CFAP57: variants seen among roughly 807,000 people sequenced by gnomAD.
CFAP57 encodes cilia and flagella associated protein 57.
Under a neutral mutation model 146.8 loss-of-function variants are expected in CFAP57, and 116 were observed. The ratio of observed to expected loss-of-function variants is 0.79; its 90% CI spans 0.68 to 0.92. The LOEUF is 0.92. Ranked by LOEUF, CFAP57 falls within the 40% of genes least tolerant of loss-of-function variation. CFAP57 has a pLI of 0.00. For synonymous variants in CFAP57, 518 were observed against 552.8 expected, an observed-to-expected ratio of 0.94 and a Z score of 0.88; for missense variants, 1,377 against 1,527.2, an observed-to-expected ratio of 0.90 and a Z score of 1.64.
In CFAP57 at chr1:43,234,647, A is replaced by G; in HGVS notation, c.3405+9A>G. ...ACGTCCGCATCATGCAGGTACCTGC[A>G]TGCTCCCCTCAGCCCCTGTGGAGGC... is the stretch of plus-strand genomic sequence containing the variant. On this transcript the variant is annotated intron_variant, in intron 21 of 22. Coordinates refer to ENST00000372492, the MANE Select transcript of CFAP57 (RefSeq NM_001378189.1). 3.9e-6 allele frequency: 6 copies of G among 1,547,098 alleles called. No homozygotes were observed. Among genetic ancestry groups the G allele is most frequent in the Non-Finnish European group, 3.5e-6 (4 of 1,145,222 alleles).
chr1:43,217,112 G>T (rs1644863609), intron 12 of CFAP57, among the ~76,000 whole-genome samples: 1 of 152,210 alleles, frequency 6.6e-6, no homozygotes, highest in Non-Finnish European at 1.5e-5. Flanking sequence ...GTGAGTGTGT[G>T]CAGAGGGATG....
Position 43,243,353 on chromosome 1 carries a change from G to A in CFAP57, c.3532G>A (p.Glu1178Lys). 1 of 1,536,412 alleles carries A rather than the reference G, an allele frequency of 6.5e-7. No individual in the cohort carries two copies. The highest frequency in any genetic ancestry group is 8.8e-7 in the Non-Finnish European group (1 of 1,138,590). The change falls in exon 22 of 23, where the codon GAG becomes AAG. Residue 1178 changes from glutamate to lysine, a missense_variant. Physicochemically the swap from Glu to Lys is moderately conservative, Grantham distance 56 (BLOSUM62 1). Coordinates refer to ENST00000372492, the MANE Select transcript of CFAP57 (RefSeq NM_001378189.1). Reference protein sequence around the residue: ...TKKVRPQEVSETEPSRDMLST... With the variant: ...TKKVRPQEVSKTEPSRDMLST... The stretch of plus-strand genomic sequence containing the variant: ...GAAAGTCCGACCACAAGAAGTTTCA[G>A]AGACAGGTAATATCACCAGTGGCCA...
intron 7 of CFAP57, 136 bp from the exon 8 acceptor site, chr1:43,198,345 A>G (rs1215138560): frequency 1.0e-6 from 1 of 995,486 alleles, no homozygotes; most frequent in African/African-American, 1.6e-5. Flanking sequence ...ACCAAGATCT[A>G]GAAAAGAGAG....
At chr1:43,216,913 T>C (rs1234678739) in intron 12 of CFAP57, among the ~76,000 whole-genome samples, 2 of 152,372 alleles carry the variant, frequency 1.3e-5, no homozygotes, top group Non-Finnish European at 2.9e-5. Flanking sequence ...CTTTAGCTGA[T>C]AGCCTGGGAA....
chr1:43,244,011 A>G lies in CFAP57; in HGVS notation c.3538+652A>G, dbSNP rs1646023582. On this transcript the variant is annotated intron_variant, in intron 22 of 22. Transcript: ENST00000372492. ...AAGGGAGCTTTTTTTCTGGAGAAACAAACGTTTCCCTGGCAATAAATTCTC... is the reference window on the plus strand; with the variant it reads ...AAGGGAGCTTTTTTTCTGGAGAAACGAACGTTTCCCTGGCAATAAATTCTC... Among the ~76,000 whole-genome samples the G allele has an allele frequency of 4.6e-5, 7 of 152,340 alleles. No individual in the cohort carries two copies. In the South Asian group the frequency reaches 1.5e-3, roughly 32 times the overall value.
intron 22 of CFAP57, 22 bp from the exon 23 acceptor site, chr1:43,253,955 T>A: frequency 6.5e-7 from 1 of 1,544,108 alleles, no homozygotes; most frequent in Non-Finnish European, 8.8e-7. Flanking sequence ...CAGGCCCACA[T>A]GAGTCCTGTT....
chr1:43,191,490 G>A (rs1433240839), intron 6 of CFAP57, among the ~76,000 whole-genome samples: 1 of 150,918 alleles, frequency 6.6e-6, no homozygotes, highest in East Asian at 2.0e-4. Flanking sequence ...GGGAGGCTGA[G>A]GCAGGAGAAT....
chr1:43,207,067 C>T, intron 10 of CFAP57, 135 bp downstream of exon 10: 1 of 834,026 alleles, frequency 1.2e-6, no homozygotes, highest in Non-Finnish European at 1.9e-6. Flanking sequence ...TAACATCAGG[C>T]TCCTCATTCC....
chr1:43,177,387 G>A (rs1173559886), intron 2 of CFAP57, among the ~76,000 whole-genome samples: 1 of 152,176 alleles, frequency 6.6e-6, no homozygotes, highest in East Asian at 1.9e-4. Context: ...GATTGTGATA[G>A]AAAGGGCTAA....
At chr1:43,191,310 G>A (rs182674658) in intron 6 of CFAP57, among the ~76,000 whole-genome samples, 38 of 151,944 alleles carry the variant, frequency 2.5e-4, no homozygotes, top group African/African-American at 7.0e-4. Context: ...TCTTTTGGCC[G>A]GGCGTGGTGG....
At chr1:43,199,916 G>A (rs1039522957) in intron 9 of CFAP57, among the ~76,000 whole-genome samples, 1 of 152,212 alleles carries the variant, frequency 6.6e-6, no homozygotes, top group East Asian at 1.9e-4. Context: ...ATAAACCGTG[G>A]GGTAAAGATG....
chr1:43,241,876 CTCTT>C (rs1645938399), intron 21 of CFAP57, among the ~76,000 whole-genome samples: 1 of 152,104 alleles, frequency 6.6e-6, no homozygotes, highest in African/African-American at 2.4e-5. Context: ...AGTGGCCAGT[CTCTT>C]TGGGCCCTTG....
chr1:43,173,767 A>G (rs184834533), intron 2 of CFAP57, among the ~76,000 whole-genome samples: 1 of 152,368 alleles, frequency 6.6e-6, no homozygotes, highest in Non-Finnish European at 1.5e-5. Flanking sequence ...CTATACTACT[A>G]TAAACATTCT....
At chr1:43,233,287 G>A (rs1158533802) in intron 19 of CFAP57, among the ~76,000 whole-genome samples, 2 of 152,056 alleles carry the variant, frequency 1.3e-5, no homozygotes, top group African/African-American at 2.4e-5. Context: ...TCAGGAGTTC[G>A]AGACCAGCCT....
Position 43,243,216 on chromosome 1 carries a change from C to G in CFAP57, c.3406-11C>G. 6.5e-7 allele frequency: 1 copy of G among 1,549,420 alleles called. No homozygotes were observed. Among genetic ancestry groups the G allele is most frequent in the Non-Finnish European group, 8.7e-7 (1 of 1,146,444 alleles). On this transcript the variant is annotated splice_polypyrimidine_tract_variant and intron_variant, in intron 21 of 22. Transcript: ENST00000372492. Reference sequence around the variant, plus strand: ...CATCCACCCTCCCTCTCTCTTCCCCCTTTTCTGCAGGAAAATGTCTCTCTG... The same window carrying G: ...CATCCACCCTCCCTCTCTCTTCCCCGTTTTCTGCAGGAAAATGTCTCTCTG...
intron 12 of CFAP57, 54 bp downstream of exon 12, chr1:43,215,470 C>A: frequency 6.6e-7 from 1 of 1,522,252 alleles, no homozygotes. Flanking sequence ...AGACTGCATT[C>A]AGATGCAGGT....
At chr1:43,227,268 G>A in intron 18 of CFAP57, 142 bp downstream of exon 18, 1 of 1,062,914 alleles carries the variant, frequency 9.4e-7, no homozygotes, top group East Asian at 3.0e-5. Context: ...CCAGTCCACA[G>A]GGGTGCAACA....
At chr1:43,229,112 A>G (rs1645369965) in intron 18 of CFAP57, among the ~76,000 whole-genome samples, 1 of 149,140 alleles carries the variant, frequency 6.7e-6, no homozygotes, top group Non-Finnish European at 1.5e-5. Flanking sequence ...GAGGAAGAGC[A>G]GAGGCCCCAC....
Position 43,252,126 on chromosome 1 carries a change from C to T in CFAP57, c.3539-1851C>T, listed in dbSNP as rs1274064077. On this transcript the variant is annotated intron_variant, in intron 22 of 22. Coordinates refer to ENST00000372492, the MANE Select transcript of CFAP57 (RefSeq NM_001378189.1). The stretch of plus-strand genomic sequence containing the variant: ...ATTGCAGGCACATTTTTATTTTTCT[C>T]CCCTTATGCATATGGGAAAACTGAC... Among the ~76,000 whole-genome samples the T allele has an allele frequency of 3.3e-5, 5 of 151,998 alleles. No homozygotes were observed. The East Asian group carries it at 9.6e-4, about 29-fold the overall frequency.
Sources: allele counts gnomAD v4.1 joint callset (sites outside exome capture counted in the v4.1 genomes callset), GRCh38; gene constraint gnomAD v4.1.1; transcripts MANE v1.5; gene names NCBI Gene and HGNC (gene_info 2026-07-23, HGNC 2026-07-21).